SEC31B: variants seen among roughly 807,000 people sequenced by gnomAD.
The protein encoded by SEC31B is protein transport protein Sec31B.
A neutral mutation model predicts 135.0 loss-of-function variants in SEC31B; 113 were observed. That is an observed-to-expected ratio of 0.84 (90% CI 0.72 to 0.98). The LOEUF (loss-of-function observed/expected upper bound fraction) is 0.98. SEC31B is among the 50% of genes least tolerant of loss of function. The probability of loss-of-function intolerance (pLI) is 0.00; values close to 1 mark genes in which losing one functional copy is unlikely to be tolerated. For synonymous variants in SEC31B, 508 were observed against 549.4 expected, an observed-to-expected ratio of 0.92 and a Z score of 1.05; for missense variants, 1,296 against 1,421.1, an observed-to-expected ratio of 0.91 and a Z score of 1.42.
chr10:100,496,166 A>G lies in SEC31B; in HGVS notation c.2310+92T>C. The G allele has an allele frequency of 2.9e-6, 4 of 1,360,832 alleles. 1 individual carries two copies. The South Asian group carries it at 5.3e-5, about 18-fold the overall frequency. The allele number at this position is 1,360,832 out of a possible 1,614,324, so 84.3% of individuals were successfully genotyped here. ...CCATCTTATCTATCCTAGGAGCTTC[A>G]GCATTAGCATAGTGCCTGGAATATG... On this transcript the variant is annotated intron_variant, in intron 18 of 25. Transcript: ENST00000370345.
chr10:100,509,053 T>C lies in SEC31B; in HGVS notation c.449A>G (p.Asp150Gly). 1 of 1,614,086 alleles carries C rather than the reference T, an allele frequency of 6.2e-7. No homozygotes were observed. The highest frequency in any genetic ancestry group is 8.5e-7 in the Non-Finnish European group (1 of 1,180,010). Reference protein sequence around the residue: ...GASDSEIFIWDLNNLNVPMTL... With the variant: ...GASDSEIFIWGLNNLNVPMTL... ...CATTGGCACATTCAAGTTATTCAGATCCCAAATGAAGATTTCAGAATCGCT... is the reference window on the plus strand; with the variant it reads ...CATTGGCACATTCAAGTTATTCAGACCCCAAATGAAGATTTCAGAATCGCT... The change falls in exon 5 of 26, where the codon GAT becomes GGT. Residue 150 changes from aspartate (D) to glycine (G), a missense_variant. Asp to Gly is a moderately conservative substitution (Grantham distance 94, BLOSUM62 -1). Coordinates refer to ENST00000370345, the MANE Select transcript of SEC31B (RefSeq NM_015490.4).
intron 3 of SEC31B, among the ~76,000 whole-genome samples, chr10:100,515,291 C>CAAACAA (rs963276856): frequency 5.9e-5 from 9 of 152,044 alleles, no homozygotes; most frequent in African/African-American, 1.9e-4. Context: ...GACCCTGTTC[C>CAAACAA]AAACAAAAAC....
At position 100,490,179 on chromosome 10, in the gene SEC31B, CA is replaced by C; in HGVS notation, c.2793del (p.Glu932ArgfsTer11). ...GIMRPGSTSL[P>X]ETPRLFPLLP... Reference sequence around the variant, plus strand: ...AGCAGAGGGAACAGTCTAGGAGTCTCAGGCAGGGAGGTAGAGCCAGGTCGCA... The same window carrying C: ...AGCAGAGGGAACAGTCTAGGAGTCTCGGCAGGGAGGTAGAGCCAGGTCGCA... On this transcript the variant is annotated frameshift_variant, in exon 21 of 26. Transcript: ENST00000370345. LOFTEE classifies it high-confidence loss of function. The C allele has an allele frequency of 6.2e-7, 1 of 1,607,406 alleles. No homozygotes were observed. Among genetic ancestry groups the C allele is most frequent in the Non-Finnish European group, 8.5e-7 (1 of 1,176,922 alleles).
At chr10:100,513,564 C>CGT (rs1197155336) in intron 3 of SEC31B, among the ~76,000 whole-genome samples, 1 of 151,978 alleles carries the variant, frequency 6.6e-6, no homozygotes, top group African/African-American at 2.4e-5. Flanking sequence ...CCGCCTCCCA[C>CGT]GTGCAAGCGA....
At position 100,498,108 on chromosome 10, in the gene SEC31B, A is replaced by G; in HGVS notation, c.1784T>C (p.Leu595Pro). 6.2e-7 allele frequency: 1 copy of G among 1,614,174 alleles called. No homozygotes were observed. Among genetic ancestry groups the G allele is most frequent in the Non-Finnish European group, 8.5e-7 (1 of 1,180,034 alleles). Residue 595 changes from leucine to proline, a missense_variant, in exon 15 of 26, where the codon CTG (leucine) becomes CCG (proline). Transcript: ENST00000370345. ...CAGATCTGTACCCCCAGCCTGGGCC[A>G]GGATAATGGCATCAGCAAAGCGCTC... ...KEERFADAII[L>P]AQAGGTDLLK...
In SEC31B at chr10:100,495,502, A is replaced by AC. The variant is rs753422747; in HGVS notation, c.2354dup (p.Ser786PhefsTer25). 55 of 1,613,962 alleles carry AC rather than the reference A, an allele frequency of 3.4e-5. No individual in the cohort carries two copies. The highest frequency in any genetic ancestry group is 4.5e-5 in the Non-Finnish European group (53 of 1,179,998). On this transcript the variant is annotated frameshift_variant, in exon 19 of 26. Transcript: ENST00000370345. LOFTEE classifies it high-confidence loss of function. ...GAGACTGTTGGCCCAAGACAGCAGAACCTTGAGCATGAAAAAGCCGATCTC... is the reference window on the plus strand; with the variant it reads ...GAGACTGTTGGCCCAAGACAGCAGAACCCTTGAGCATGAAAAAGCCGATCTC...
In SEC31B at chr10:100,499,973, G is replaced by A. The variant is rs968125313; in HGVS notation, c.1411-375C>T. ...ATAATTAATGTGAACAACATGCTAT[G>A]CATTTCCCTGTTTGCAGTGGCTCTT... On this transcript the variant is annotated intron_variant, in intron 11 of 25. Coordinates refer to ENST00000370345, the MANE Select transcript of SEC31B (RefSeq NM_015490.4). 2.6e-5 allele frequency: 11 copies of A among 426,954 alleles called. No homozygotes were observed. In the Admixed American group the frequency reaches 2.7e-4, roughly 10 times the overall value. The allele number at this position is 426,954 out of a possible 1,614,324, so 26.4% of individuals were successfully genotyped here. A position where few individuals can be genotyped will look rare whatever the true frequency, so the allele number is the denominator to read the frequency against.
rs1260670185 is a variant in SEC31B, at chr10:100,505,465, G to A, written c.1075C>T (p.Leu359Phe). 1.3e-6 allele frequency: 2 copies of A among 1,576,134 alleles called. No homozygotes were observed. The highest frequency in any genetic ancestry group is 1.4e-5 in the African/African-American group (1 of 73,496). The change falls in exon 10 of 26, where the codon CTC becomes TTC. Residue 359 changes from leucine (L) to phenylalanine (F), a missense_variant. Coordinates refer to ENST00000370345, the MANE Select transcript of SEC31B (RefSeq NM_015490.4). Reference protein sequence around the residue: ...ISSSFSKGQPLPPLQVPEQVA... With the variant: ...ISSSFSKGQPFPPLQVPEQVA... The stretch of plus-strand genomic sequence containing the variant: ...TGCTCTGGCACCTGCAGTGGTGGGA[G>A]AGGCTGGCCTTTGCTGAAGGAAGAG...
In SEC31B at chr10:100,495,136, AT is replaced by A. The variant is rs1361502057; in HGVS notation, c.2472+248del. ...CCACCACGCCAGGCCTACTGTAGCT[AT>A]TTTTTACATATCTATCTTTCGACTA... On this transcript the variant is annotated intron_variant, in intron 19 of 25. Transcript: ENST00000370345. The A allele has an allele frequency of 1.3e-5, 6 of 447,584 alleles. No individual in the cohort carries two copies. The Admixed American group carries it at 1.4e-4, about 10-fold the overall frequency. 27.7% of individuals were successfully genotyped at this position (447,584 alleles called of 1,614,324 possible). A position where few individuals can be genotyped will look rare whatever the true frequency, so the allele number is the denominator to read the frequency against.
At chr10:100,492,860 T>C (rs1443939871) in intron 19 of SEC31B, among the ~76,000 whole-genome samples, 1 of 152,146 alleles carries the variant, frequency 6.6e-6, no homozygotes, top group Non-Finnish European at 1.5e-5. Context: ...ATATAAAAAA[T>C]TAAATACTTA....
rs146717788 is a variant in SEC31B at position 100,487,756 on chromosome 10, G to A, written c.3400C>T (p.Arg1134Ter). The change falls in exon 26 of 26, where the codon CGA becomes TGA. Residue 1134 changes from arginine (R) to a stop codon, truncating the protein, a stop_gained. Coordinates refer to ENST00000370345, the MANE Select transcript of SEC31B (RefSeq NM_015490.4). LOFTEE classifies it high-confidence loss of function. ...TCAAAGCTTCCTGCATCCACACATC[G>A]GGCAACCTCATGGAGCCCAGCCACG... ...HVVAGLHEVA[R>*]CVDAGSFEQG... 375 of 1,614,012 alleles carry A rather than the reference G, an allele frequency of 2.3e-4. No homozygotes were observed. Among genetic ancestry groups the A allele is most frequent in the Non-Finnish European group, 3.0e-4 (357 of 1,179,980 alleles).
intron 13 of SEC31B, 76 bp downstream of exon 13, chr10:100,499,084 G>T: frequency 8.5e-7 from 1 of 1,177,084 alleles, no homozygotes; most frequent in Non-Finnish European, 1.3e-6. Context: ...AAAGAAAAGG[G>T]CCAGGAAGGG....
chr10:100,511,914 T>A (rs1442549135), intron 3 of SEC31B, among the ~76,000 whole-genome samples: 1 of 152,114 alleles, frequency 6.6e-6, no homozygotes, highest in Admixed American at 6.5e-5. Flanking sequence ...GAATCCTCAA[T>A]TTACAGTGGG....
chr10:100,516,917 C>G lies in SEC31B; in HGVS notation c.36G>C (p.Gln12His). The G allele has an allele frequency of 6.2e-7, 1 of 1,614,140 alleles. No individual in the cohort carries two copies. Among genetic ancestry groups the G allele is most frequent in the African/African-American group, 1.3e-5 (1 of 75,038 alleles). Reference protein sequence around the residue: ...KLKELERPAVQAWSPASQYPL... With the variant: ...KLKELERPAVHAWSPASQYPL... ...GGTATTGGCTGGCTGGGCTCCATGC[C>G]TGGACAGCTGGCCGCTCAAGTTCCT... The change falls in exon 2 of 26, where the codon CAG becomes CAC. Residue 12 changes from glutamine to histidine, a missense_variant. Coordinates refer to ENST00000370345, the MANE Select transcript of SEC31B (RefSeq NM_015490.4).
intron 3 of SEC31B, among the ~76,000 whole-genome samples, chr10:100,509,775 T>TA (rs1851706535): frequency 6.6e-6 from 1 of 152,190 alleles, no homozygotes; most frequent in Non-Finnish European, 1.5e-5. Context: ...TATACATATA[T>TA]ATGTACATTT....
intron 7 of SEC31B, among the ~76,000 whole-genome samples, chr10:100,506,798 C>T (rs1354654486): frequency 4.6e-5 from 7 of 152,142 alleles, no homozygotes; most frequent in Admixed American, 2.0e-4. Flanking sequence ...AAAGACCTAA[C>T]CATCTAAAGT....
Position 100,519,844 on chromosome 10 carries a change from T to C in SEC31B, c.-108A>G, listed in dbSNP as rs966297301. ...GCCGGAGCCGCTCCTCTGGCAGGGC[T>C]CTCGCGCGGAGCCGGGCGCTGTGGA... On this transcript the variant is annotated 5_prime_UTR_variant, in exon 1 of 26. Transcript: ENST00000370345. The C allele has an allele frequency of 2.6e-5, 4 of 152,192 alleles. No homozygotes were observed. The highest frequency in any genetic ancestry group is 5.9e-5 in the Non-Finnish European group (4 of 68,088). 9.4% of individuals were successfully genotyped at this position (152,192 alleles called of 1,614,324 possible).
rs1174287632 is a variant in SEC31B, at chr10:100,489,724, C to T, written c.3003G>A (p.Arg1001=). ...QDSWKEAPAP[R]GNLQRNKLPE... ...TGACCTTGTTCCTCTGGAGGTTTCC[C>T]CTGGGGGCTGGGGCTTCTTTCCAGG... Residue 1001 remains arginine (R), a synonymous_variant, in exon 22 of 26, where the codon AGG becomes AGA. Transcript: ENST00000370345. 2.5e-6 allele frequency: 4 copies of T among 1,613,814 alleles called. No homozygotes were observed. Among genetic ancestry groups the T allele is most frequent in the East Asian group, 2.2e-5 (1 of 44,880 alleles).
chr10:100,505,354 C>T lies in SEC31B; in HGVS notation c.1179+7G>A. The stretch of plus-strand genomic sequence containing the variant: ...CACACACACACCTATACATCCACTA[C>T]ACTTACAGCAAATGAAACACCTGTT... On this transcript the variant is annotated splice_region_variant and intron_variant, in intron 10 of 25. Transcript: ENST00000370345. The T allele has an allele frequency of 1.2e-6, 2 of 1,613,290 alleles. No homozygotes were observed. Among genetic ancestry groups the T allele is most frequent in the Admixed American group, 1.7e-5 (1 of 59,942 alleles).
Sources: allele counts gnomAD v4.1 joint callset (sites outside exome capture counted in the v4.1 genomes callset), GRCh38; gene constraint gnomAD v4.1.1; transcripts MANE v1.5; gene names NCBI Gene and HGNC (gene_info 2026-07-23, HGNC 2026-07-21).